DAGLB: variants seen among roughly 807,000 people sequenced by gnomAD.
DAGLB encodes diacylglycerol lipase beta.
In DAGLB, 66 loss-of-function variants were observed where a neutral mutation model predicts 72.1. That is an observed-to-expected ratio of 0.92 (90% CI 0.75 to 1.12). The LOEUF (loss-of-function observed/expected upper bound fraction) is 1.12, where lower values mean the gene tolerates loss of function less well. Among genes scored for constraint, DAGLB ranks in the 50% most tolerant of loss-of-function variants. The probability of loss-of-function intolerance (pLI) is 0.00; values close to 1 mark genes in which losing one functional copy is unlikely to be tolerated. For missense variants in DAGLB, 1,065 were observed against 884.9 expected (o/e 1.20, Z -2.58); for synonymous variants, 414 against 359.5 (o/e 1.15, Z -1.71).
chr7:6,416,767 C>T lies in DAGLB; in HGVS notation c.1300-13G>A. 6.2e-7 allele frequency: 1 copy of T among 1,613,832 alleles called. No individual in the cohort carries two copies. ...CCAGCCGGTACTCCTAGAGGACAGA[C>T]AGCAGAATGAGGTGAAGGGTAAAAA... On this transcript the variant is annotated splice_polypyrimidine_tract_variant and intron_variant, in intron 10 of 14. Coordinates refer to ENST00000297056, the MANE Select transcript of DAGLB (RefSeq NM_139179.4).
intron 2 of DAGLB, among the ~76,000 whole-genome samples, chr7:6,437,588 C>A (rs1038589824): frequency 6.6e-6 from 1 of 152,084 alleles, no homozygotes; most frequent in Non-Finnish European, 1.5e-5. Context: ...CACACCACCA[C>A]GCTGAAATAG....
Position 6,436,356 on chromosome 7 carries a change from T to A in DAGLB, c.419+6A>T, listed in dbSNP as rs1382486483. 2 of 1,601,708 alleles carry A rather than the reference T, an allele frequency of 1.2e-6. No individual in the cohort carries two copies. Among genetic ancestry groups the A allele is most frequent in the African/African-American group, 2.7e-5 (2 of 74,228 alleles). ...TGAAACTCAAAGAGAAGAAGGGAGATGTCACCTGACCACGACGGTTGCGAT... is the reference window on the plus strand; with the variant it reads ...TGAAACTCAAAGAGAAGAAGGGAGAAGTCACCTGACCACGACGGTTGCGAT... On this transcript the variant is annotated splice_donor_region_variant and intron_variant, in intron 3 of 14. Coordinates refer to ENST00000297056, the MANE Select transcript of DAGLB (RefSeq NM_139179.4).
chr7:6,447,901 A>C lies in DAGLB; in HGVS notation c.-59T>G, dbSNP rs1043967252. 2.0e-6 allele frequency: 3 copies of C among 1,516,024 alleles called. No homozygotes were observed. The highest frequency in any genetic ancestry group is 2.6e-6 in the Non-Finnish European group (3 of 1,135,832). The allele number at this position is 1,516,024 out of a possible 1,614,324, so 93.9% of individuals were successfully genotyped here. A position where few individuals can be genotyped will look rare whatever the true frequency, so the allele number is the denominator to read the frequency against. ...CCCCGCGCGCCGTTCACCGAGAACAAACCAGCACCCTCCGGACGCCGCCAC... is the reference window on the plus strand; with the variant it reads ...CCCCGCGCGCCGTTCACCGAGAACACACCAGCACCCTCCGGACGCCGCCAC... On this transcript the variant is annotated 5_prime_UTR_variant, in exon 1 of 15. Coordinates refer to ENST00000297056, the MANE Select transcript of DAGLB (RefSeq NM_139179.4).
chr7:6,429,692 G>C (rs1784417886), intron 6 of DAGLB, among the ~76,000 whole-genome samples: 1 of 151,972 alleles, frequency 6.6e-6, no homozygotes, highest in Non-Finnish European at 1.5e-5. Flanking sequence ...CACAAGGTCA[G>C]GAGTTCCAGA....
intron 2 of DAGLB, among the ~76,000 whole-genome samples, chr7:6,437,140 C>A (rs1784686004): frequency 7.1e-6 from 1 of 140,462 alleles, no homozygotes; most frequent in African/African-American, 2.6e-5. Context: ...GGTGACAGAG[C>A]AAGACTCCGT....
intron 11 of DAGLB, among the ~76,000 whole-genome samples, chr7:6,414,661 C>G (rs1783843739): frequency 1.3e-5 from 2 of 152,050 alleles, no homozygotes; most frequent in African/African-American, 4.8e-5. Context: ...GTAACAAAAG[C>G]CTTTCCTACC....
chr7:6,409,852 A>G lies in DAGLB; in HGVS notation c.2004T>C (p.Ser668=), dbSNP rs774711011. 1.9e-6 allele frequency: 3 copies of G among 1,613,840 alleles called. No individual in the cohort carries two copies. Among genetic ancestry groups the G allele is most frequent in the South Asian group, 2.2e-5 (2 of 91,080 alleles). The part of the protein sequence containing the change: ...CVSCPAQGVS[S]VDVA ...GTGGCCCTGGTCAGGCCACGTCCAC[A>G]CTGGAGACCCCTTGTGCTGGACAGG... is the stretch of plus-strand genomic sequence containing the variant. Residue 668 remains serine (S), a synonymous_variant, in exon 15 of 15, where the codon AGT becomes AGC. Transcript: ENST00000297056.
chr7:6,441,146 A>G (rs1440839418), intron 2 of DAGLB, among the ~76,000 whole-genome samples: 1 of 148,830 alleles, frequency 6.7e-6, no homozygotes, highest in Non-Finnish European at 1.5e-5. Flanking sequence ...GCTGGAGTGC[A>G]GTGGCGCGAT....
At chr7:6,426,712 A>C (rs1339469164) in intron 6 of DAGLB, among the ~76,000 whole-genome samples, 2 of 152,242 alleles carry the variant, frequency 1.3e-5, no homozygotes, top group African/African-American at 2.4e-5. Flanking sequence ...TGCCAACAGA[A>C]GCAGGTAAAG....
chr7:6,431,450 A>G (rs116697691), intron 5 of DAGLB, among the ~76,000 whole-genome samples: 3 of 152,120 alleles, frequency 2.0e-5, no homozygotes, highest in African/African-American at 7.2e-5. Flanking sequence ...TTGAACAGCA[A>G]ATTTCCTAAA....
chr7:6,423,734 C>G (rs113080138), intron 8 of DAGLB, among the ~76,000 whole-genome samples: 25,339 of 151,990 alleles, frequency 0.17, 2,507 homozygotes, highest in East Asian at 0.23. Context: ...ACTACAGGAG[C>G]CCACCACCAT....
chr7:6,412,726 A>G, intron 13 of DAGLB, 85 bp downstream of exon 13: 2 of 1,419,686 alleles, frequency 1.4e-6, no homozygotes, highest in Non-Finnish European at 1.9e-6. Context: ...CCCTGCACTG[A>G]GGGTGCAATT....
At chr7:6,436,256 T>G (rs1393391691) in intron 3 of DAGLB, 106 bp downstream of exon 3, 8 of 1,389,634 alleles carry the variant, frequency 5.8e-6, no homozygotes, top group African/African-American at 1.4e-5. Context: ...AATTTCTAAC[T>G]ATTTGAGGAA....
At chr7:6,436,305 T>C in intron 3 of DAGLB, 57 bp downstream of exon 3, 1 of 1,556,578 alleles carries the variant, frequency 6.4e-7, no homozygotes. Context: ...GTTAGAAGGG[T>C]TTGTTCACCT....
At chr7:6,428,951 C>T (rs1784396827) in intron 6 of DAGLB, among the ~76,000 whole-genome samples, 1 of 152,120 alleles carries the variant, frequency 6.6e-6, no homozygotes, top group East Asian at 1.9e-4. Context: ...ACTACAGGTA[C>T]ACACTGTTAC....
intron 2 of DAGLB, among the ~76,000 whole-genome samples, chr7:6,444,343 T>G (rs1047210146): frequency 6.6e-6 from 1 of 152,150 alleles, no homozygotes; most frequent in Non-Finnish European, 1.5e-5. Flanking sequence ...GACTCACACT[T>G]GTAATCCTAG....
chr7:6,427,120 T>A (rs1383387713), intron 6 of DAGLB, among the ~76,000 whole-genome samples: 2 of 151,936 alleles, frequency 1.3e-5, no homozygotes, highest in Non-Finnish European at 2.9e-5. Flanking sequence ...AAAATACAAT[T>A]AAATTAAATT....
At chr7:6,424,256 T>C (rs1180117320) in intron 8 of DAGLB, among the ~76,000 whole-genome samples, 1 of 152,054 alleles carries the variant, frequency 6.6e-6, no homozygotes, top group Non-Finnish European at 1.5e-5. Context: ...AGAGGGGCCA[T>C]GGGCTGGGGA....
At chr7:6,420,582 A>T (rs1327184177) in intron 9 of DAGLB, among the ~76,000 whole-genome samples, 1 of 152,170 alleles carries the variant, frequency 6.6e-6, no homozygotes, top group Non-Finnish European at 1.5e-5. Flanking sequence ...GAGGAAGCGG[A>T]AGTGAGTGGT....
Sources: gnomAD v4.1 joint callset for allele counts (sites outside exome capture counted in the v4.1 genomes callset) on GRCh38, gnomAD v4.1.1 for gene constraint, MANE v1.5 for transcripts, NCBI Gene and HGNC (gene_info 2026-07-23, HGNC 2026-07-21) for gene names.